The following FCHSD2 variants were observed in gnomAD, a reference collection of about 807,000 sequenced individuals.
FCHSD2 encodes the protein FCH and double SH3 domains 2, also known as F-BAR and double SH3 domains protein 2.
FCHSD2 carries 38 observed loss-of-function variants against 108.1 expected under a neutral mutation model. The observed-to-expected ratio is 0.35, with a 90% CI of 0.27 to 0.46. FCHSD2 has a LOEUF of 0.46. FCHSD2 is among the 20% of genes least tolerant of loss of function. The pLI, the probability that FCHSD2 is intolerant of heterozygous loss-of-function variation, is 1.00. For missense variants in FCHSD2, 751 were observed against 897.8 expected (o/e 0.84, Z 2.09); for synonymous variants, 279 against 314.7 (o/e 0.89, Z 1.20).
At chr11:72,987,115 A>C (rs943737431) in intron 6 of FCHSD2, among the ~76,000 whole-genome samples, 24 of 152,120 alleles carry the variant, frequency 1.6e-4, no homozygotes, top group Non-Finnish European at 3.5e-4. Context: ...CATCTCCTTC[A>C]AATTGTATCC....
At chr11:72,913,838 A>AAC (rs1565320132) in intron 9 of FCHSD2, among the ~76,000 whole-genome samples, 4 of 149,948 alleles carry the variant, frequency 2.7e-5, no homozygotes, top group African/African-American at 1.0e-4. Context: ...AAAAAAACAA[A>AAC]AAAAAAAACC....
intron 3 of FCHSD2, among the ~76,000 whole-genome samples, chr11:73,032,193 C>A (rs919708917): frequency 4.6e-5 from 7 of 151,898 alleles, no homozygotes; most frequent in African/African-American, 7.3e-5. Flanking sequence ...AAAGTAAGAG[C>A]TTTTAGTTTT....
intron 10 of FCHSD2, among the ~76,000 whole-genome samples, chr11:72,901,071 A>G (rs909118561): frequency 6.6e-6 from 1 of 152,214 alleles, no homozygotes; most frequent in African/African-American, 2.4e-5. Flanking sequence ...CATAAACTCA[A>G]GGACGATTAC....
At chr11:73,127,168 C>T (rs767586000) in intron 2 of FCHSD2, among the ~76,000 whole-genome samples, 18 of 152,146 alleles carry the variant, frequency 1.2e-4, no homozygotes, top group Non-Finnish European at 2.5e-4. Flanking sequence ...TCTGTGGAAC[C>T]ACAGACATGG....
chr11:73,040,989 T>C (rs1858623018), intron 3 of FCHSD2, among the ~76,000 whole-genome samples: 2 of 152,210 alleles, frequency 1.3e-5, no homozygotes, highest in African/African-American at 4.8e-5. Context: ...TATTTGTCTT[T>C]CTGTGCCTGG....
At chr11:72,900,306 A>T (rs1443331395) in intron 10 of FCHSD2, 2 of 1,547,136 alleles carry the variant, frequency 1.3e-6, no homozygotes, top group East Asian at 4.9e-5. Flanking sequence ...CTCAATATCC[A>T]CCAGTTGGGC....
At chr11:73,082,425 A>G (rs1218493454) in intron 3 of FCHSD2, among the ~76,000 whole-genome samples, 3 of 151,476 alleles carry the variant, frequency 2.0e-5, no homozygotes, top group African/African-American at 7.3e-5. Flanking sequence ...AAAGCACCTG[A>G]TACACAATAA....
chr11:73,112,717 C>G (rs1195877690), intron 2 of FCHSD2, among the ~76,000 whole-genome samples: 1 of 152,196 alleles, frequency 6.6e-6, no homozygotes, highest in Non-Finnish European at 1.5e-5. Flanking sequence ...GGCATGATCT[C>G]AGCTCACTAC....
chr11:73,129,135 T>G (rs1369108067), intron 2 of FCHSD2, among the ~76,000 whole-genome samples: 2 of 151,944 alleles, frequency 1.3e-5, no homozygotes, highest in East Asian at 3.9e-4. Flanking sequence ...CCTCCCAAAG[T>G]GCTGGGATTA....
chr11:72,849,017 G>A (rs1225793333), intron 14 of FCHSD2, among the ~76,000 whole-genome samples: 2 of 152,148 alleles, frequency 1.3e-5, no homozygotes, highest in Middle Eastern at 3.2e-3. Context: ...CTCAAAACAA[G>A]TCTGGGAATC....
chr11:72,872,964 G>C (rs1854892408), intron 12 of FCHSD2, among the ~76,000 whole-genome samples: 1 of 152,176 alleles, frequency 6.6e-6, no homozygotes, highest in Non-Finnish European at 1.5e-5. Context: ...TCTGTCTTTT[G>C]ACTCTAGCCA....
At chr11:72,838,943 C>T in intron 19 of FCHSD2, 69 bp from the exon 20 acceptor site, 1 of 1,408,118 alleles carries the variant, frequency 7.1e-7, no homozygotes, top group Admixed American at 1.9e-5. Flanking sequence ...TCCCCAAAAC[C>T]TAATCACTCA....
intron 9 of FCHSD2, among the ~76,000 whole-genome samples, chr11:72,917,329 T>G (rs779911709): frequency 1.3e-5 from 2 of 152,146 alleles, no homozygotes; most frequent in Non-Finnish European, 2.9e-5. Flanking sequence ...CCCAAAACCT[T>G]TTTCTGAAGA....
chr11:73,100,753 A>G (rs1591553356), intron 2 of FCHSD2, among the ~76,000 whole-genome samples: 1 of 152,162 alleles, frequency 6.6e-6, no homozygotes, highest in East Asian at 1.9e-4. Context: ...GGATGTGGTA[A>G]TGTTGAAATT....
intron 8 of FCHSD2, among the ~76,000 whole-genome samples, chr11:72,938,789 T>C (rs558733522): frequency 2.6e-5 from 4 of 152,344 alleles, no homozygotes; most frequent in East Asian, 3.8e-4. Flanking sequence ...TTCTAAACTA[T>C]TGAAAAAAAT....
chr11:72,907,021 C>A (rs1322626805), intron 9 of FCHSD2, among the ~76,000 whole-genome samples: 1 of 152,036 alleles, frequency 6.6e-6, no homozygotes, highest in Admixed American at 6.6e-5. Flanking sequence ...GGCAGTATGG[C>A]CATTTGTTTG....
At chr11:73,039,433 G>A (rs964516931) in intron 3 of FCHSD2, among the ~76,000 whole-genome samples, 3 of 151,734 alleles carry the variant, frequency 2.0e-5, no homozygotes, top group African/African-American at 4.8e-5. Context: ...TGAGAGACTC[G>A]CTTGAACCCG....
At chr11:73,110,702 A>G (rs1860462016) in intron 2 of FCHSD2, among the ~76,000 whole-genome samples, 1 of 151,796 alleles carries the variant, frequency 6.6e-6, no homozygotes, top group Non-Finnish European at 1.5e-5. Context: ...CTTTTATTCT[A>G]CTAATTGTGG....
At chr11:73,107,970 T>C (rs558453984) in intron 2 of FCHSD2, among the ~76,000 whole-genome samples, 140 of 152,336 alleles carry the variant, frequency 9.2e-4, no homozygotes, top group African/African-American at 3.2e-3. Context: ...AGTGTATCTT[T>C]AGTTTTCTGA....
Sources: allele counts gnomAD v4.1 joint callset (sites outside exome capture counted in the v4.1 genomes callset), GRCh38; gene constraint gnomAD v4.1.1; transcripts MANE v1.5; gene names NCBI Gene and HGNC (gene_info 2026-07-23, HGNC 2026-07-21).